The following DOCK1 variants were observed in gnomAD, a reference collection of about 807,000 sequenced individuals.
DOCK1 encodes the protein dedicator of cytokinesis 1, also known as dedicator of cytokinesis protein 1.
In DOCK1, 138 loss-of-function variants were observed where a neutral mutation model predicts 262.7. That is an observed-to-expected ratio of 0.53 (90% confidence interval 0.46 to 0.61). DOCK1 has a LOEUF of 0.61. Among genes scored for constraint, DOCK1 ranks in the 20% least tolerant of loss-of-function variants. The probability of loss-of-function intolerance (pLI) is 0.00; values close to 1 mark genes in which losing one functional copy is unlikely to be tolerated. For synonymous variants in DOCK1, 866 were observed against 867.4 expected (o/e 1.00, Z 0.03); for missense variants, 1,908 against 2,370.7 (o/e 0.80, Z 4.05).
intron 27 of DOCK1, among the ~76,000 whole-genome samples, chr10:127,212,791 T>C (rs2058039627): frequency 1.4e-5 from 2 of 147,438 alleles, no homozygotes; most frequent in South Asian, 4.3e-4. Context: ...CATTTTTTCA[T>C]GTTCTCCCCA....
At chr10:127,067,388 C>T (rs996702481) in intron 23 of DOCK1, among the ~76,000 whole-genome samples, 17 of 152,146 alleles carry the variant, frequency 1.1e-4, no homozygotes, top group Non-Finnish European at 2.4e-4. Flanking sequence ...CATGCAGGAC[C>T]TTGGCATAGT....
chr10:127,310,360 A>G (rs1185220371), intron 29 of DOCK1, among the ~76,000 whole-genome samples: 1 of 151,992 alleles, frequency 6.6e-6, no homozygotes, highest in African/African-American at 2.4e-5. Context: ...AATGAAGGAA[A>G]TTGGATGAAA....
intron 27 of DOCK1, among the ~76,000 whole-genome samples, chr10:127,142,256 T>C (rs553205596): frequency 6.6e-6 from 1 of 152,204 alleles, no homozygotes; most frequent in Non-Finnish European, 1.5e-5. Context: ...CACGGGCACG[T>C]GGGAAGCCGG....
chr10:126,979,576 A>T (rs758087899), intron 3 of DOCK1, among the ~76,000 whole-genome samples: 3 of 152,016 alleles, frequency 2.0e-5, no homozygotes, highest in African/African-American at 7.3e-5. Context: ...ACCTTCCCCA[A>T]TTTGAGATCT....
intron 47 of DOCK1, among the ~76,000 whole-genome samples, chr10:127,426,934 C>T (rs527868137): frequency 6.6e-6 from 1 of 152,192 alleles, no homozygotes; most frequent in East Asian, 1.9e-4. Context: ...AGGAGCCATG[C>T]CTTAGCAGAT....
chr10:127,248,400 T>C (rs1413189556), intron 28 of DOCK1, among the ~76,000 whole-genome samples: 3 of 152,194 alleles, frequency 2.0e-5, no homozygotes, highest in Non-Finnish European at 4.4e-5. Flanking sequence ...TTTGGGATAA[T>C]TGGAAATTTG....
At position 127,169,750 on chromosome 10, in the gene DOCK1, C is replaced by T. The variant is rs563438024; in HGVS notation, c.2847+41986C>T. ...GCCATGTAGGAGCTGACCCTGAGCC[C>T]CTGCAGTAAACACAGATGTCCATGA... On this transcript the variant is annotated intron_variant, in intron 27 of 51. Transcript: ENST00000623213. 2.0e-5 allele frequency among the ~76,000 whole-genome samples: 3 copies of T among 152,250 alleles called. No individual in the cohort carries two copies. The East Asian group carries it at 5.8e-4, about 29-fold the overall frequency.
At chr10:127,033,334 G>A (rs1233940458) in intron 18 of DOCK1, among the ~76,000 whole-genome samples, 1 of 152,166 alleles carries the variant, frequency 6.6e-6, no homozygotes, top group Non-Finnish European at 1.5e-5. Context: ...CCCTTGTGTG[G>A]GGTTTGGCCG....
At chr10:127,046,335 A>T (rs988402617) in intron 21 of DOCK1, among the ~76,000 whole-genome samples, 3 of 152,154 alleles carry the variant, frequency 2.0e-5, no homozygotes, top group Admixed American at 6.5e-5. Flanking sequence ...TAGCAGGAGG[A>T]TCTGCAGACT....
intron 1 of DOCK1, among the ~76,000 whole-genome samples, chr10:126,956,018 G>T (rs1214613829): frequency 7.2e-5 from 11 of 152,160 alleles, no homozygotes; most frequent in African/African-American, 2.4e-4. Flanking sequence ...GGGAGCCTTG[G>T]CTCCCTCCTC....
At chr10:127,073,914 G>A (rs2046371940) in intron 23 of DOCK1, among the ~76,000 whole-genome samples, 1 of 152,162 alleles carries the variant, frequency 6.6e-6, no homozygotes, top group Non-Finnish European at 1.5e-5. Context: ...GTGATGGAAA[G>A]GGTAGTTAAA....
At chr10:127,363,317 C>T (rs2064700055) in intron 33 of DOCK1, among the ~76,000 whole-genome samples, 1 of 152,078 alleles carries the variant, frequency 6.6e-6, no homozygotes, top group Non-Finnish European at 1.5e-5. Flanking sequence ...CGAGACCAGC[C>T]TGGGAAACAT....
chr10:127,232,119 A>G (rs1432103991), intron 27 of DOCK1, among the ~76,000 whole-genome samples: 7 of 151,758 alleles, frequency 4.6e-5, no homozygotes, highest in Non-Finnish European at 8.8e-5. Context: ...GGGTACAGGT[A>G]GAGTACAATC....
intron 29 of DOCK1, among the ~76,000 whole-genome samples, chr10:127,330,371 T>C (rs1368484063): frequency 6.6e-6 from 1 of 151,806 alleles, no homozygotes; most frequent in Non-Finnish European, 1.5e-5. Flanking sequence ...TAAAACTTTA[T>C]TTAAACCACC....
chr10:127,403,498 G>A (rs779566345), intron 39 of DOCK1, among the ~76,000 whole-genome samples: 2 of 152,180 alleles, frequency 1.3e-5, no homozygotes, highest in African/African-American at 4.8e-5. Flanking sequence ...ACTGGCTCAC[G>A]CCTGTAATCC....
At chr10:127,393,194 G>A (rs1380395853) in intron 38 of DOCK1, among the ~76,000 whole-genome samples, 1 of 152,124 alleles carries the variant, frequency 6.6e-6, no homozygotes, top group Non-Finnish European at 1.5e-5. Context: ...TTTTACAAAT[G>A]TATTGGGGTA....
intron 31 of DOCK1, 38 bp from the exon 32 acceptor site, chr10:127,354,631 C>A: frequency 6.2e-7 from 1 of 1,612,536 alleles, no homozygotes; most frequent in Non-Finnish European, 8.5e-7. Flanking sequence ...AAATGCCTTC[C>A]GGAGTGATTC....
intron 10 of DOCK1, among the ~76,000 whole-genome samples, chr10:127,004,755 CG>C (rs2040868870): frequency 3.0e-5 from 3 of 98,820 alleles, no homozygotes; most frequent in Admixed American, 1.0e-4. Flanking sequence ...TCCCCCCCAA[CG>C]GCCCCCTGCC....
chr10:127,397,670 G>A (rs563582531), intron 38 of DOCK1, among the ~76,000 whole-genome samples: 6 of 151,736 alleles, frequency 4.0e-5, no homozygotes, highest in East Asian at 3.9e-4. Flanking sequence ...TCTCAGCAGC[G>A]TCTCCTGCAT....
Sources: gnomAD v4.1 joint callset for allele counts (sites outside exome capture counted in the v4.1 genomes callset) on GRCh38, gnomAD v4.1.1 for gene constraint, MANE v1.5 for transcripts, NCBI Gene and HGNC (gene_info 2026-07-23, HGNC 2026-07-21) for gene names.